The following PRAMEF20 variants were observed in gnomAD, a reference collection of about 807,000 sequenced individuals.
PRAMEF20 encodes PRAME family member 20/21.
Under a neutral mutation model 32.4 loss-of-function variants are expected in PRAMEF20, and 27 were observed. The observed-to-expected ratio is 0.83, with a 90% CI of 0.61 to 1.15. The LOEUF (loss-of-function observed/expected upper bound fraction) is 1.15, where lower values mean the gene tolerates loss of function less well. Ranked by LOEUF, PRAMEF20 falls within the 50% of genes most tolerant of loss-of-function variation. The pLI is 0.00. For missense variants in PRAMEF20, 604 were observed against 584.5 expected, an observed-to-expected ratio of 1.03 and a Z score of -0.34; for synonymous variants, 256 against 235.4, an observed-to-expected ratio of 1.09 and a Z score of -0.80.
At chr1:13,410,879 A>G in the PRAMEF20 span, among the ~76,000 whole-genome samples, 5 of 151,738 alleles carry the variant, frequency 3.3e-5, no homozygotes, top group South Asian at 1.0e-3. Flanking sequence ...TTGGTGGGGG[A>G]TAGAGTCTTG....
upstream of PRAMEF20, among the ~76,000 whole-genome samples, chr1:13,416,125 G>A (rs1349015121): frequency 6.6e-6 from 1 of 152,230 alleles, no homozygotes; most frequent in African/African-American, 2.4e-5. Context: ...GGCTAGTGGT[G>A]GCCCTGCCTC....
At chr1:13,421,259 A>G (rs1641242026) in exon 3 of PRAMEF20, 3 of 1,613,572 alleles carry the variant, frequency 1.9e-6, no homozygotes, top group Admixed American at 1.7e-5. Context: ...TTGCTGTTGA[A>G]TGCCTGCCTA....
exon 3 of PRAMEF20, chr1:13,420,821 A>C: frequency 6.2e-7 from 1 of 1,613,962 alleles, no homozygotes; most frequent in Non-Finnish European, 8.5e-7. Flanking sequence ...GAGTGGCACC[A>C]GACTGGCCAA....
upstream of PRAMEF20, among the ~76,000 whole-genome samples, chr1:13,413,099 T>C (rs1407365865): frequency 6.6e-6 from 1 of 152,220 alleles, no homozygotes; most frequent in Non-Finnish European, 1.5e-5. Context: ...TACTTTCAAG[T>C]TTTTTCTTTC....
chr1:13,420,919 C>T, exon 3 of PRAMEF20: 1 of 1,613,832 alleles, frequency 6.2e-7, no homozygotes, highest in Non-Finnish European at 8.5e-7. Flanking sequence ...GCATCGTAGA[C>T]TCCCAAGTCA....
rs201019204 is a variant in PRAMEF20, at chr1:13,417,192, TG to T, written c.287+555del. Among the ~76,000 whole-genome samples, 1,170 of 152,240 alleles carry T rather than the reference TG, an allele frequency of 7.7e-3. 13 individuals are homozygous for T. Among genetic ancestry groups the T allele is most frequent in the African/African-American group, 0.026 (1,075 of 41,558 alleles). On this transcript the variant is annotated intron_variant, in intron 1 of 2. Coordinates refer to ENST00000602960, the Ensembl canonical transcript of PRAMEF20. ...ACCTGAGTAGGTTGCCGCTGCTGAC[TG>T]GGGTGGCCAGCTTTTATTCCCTTAT...
Position 13,420,844 on chromosome 1 carries a change from GCCGCT to G in PRAMEF20, c.1017_1021del (p.Leu340SerfsTer11), listed in dbSNP as rs1641234889. ...CCAGACTGGCCAATTTCAGCCTTGT[GCCGCT>G]CCAAGTTCTCCTAGAAAAAGTTGCA... On this transcript the variant is annotated frameshift_variant, in exon 3 of 3. Coordinates refer to ENST00000602960, the Ensembl canonical transcript of PRAMEF20. LOFTEE classifies it high-confidence loss of function. The G allele has an allele frequency of 1.9e-6, 3 of 1,613,798 alleles. No homozygotes were observed. The highest frequency in any genetic ancestry group is 2.5e-6 in the Non-Finnish European group (3 of 1,179,872).
Position 13,418,065 on chromosome 1 carries a change from A to C in PRAMEF20, c.288-57A>C, listed in dbSNP as rs1420060557. The C allele has an allele frequency of 3.6e-4, 582 of 1,611,404 alleles. 7 individuals are homozygous for C. The South Asian group carries it at 4.4e-3, about 12-fold the overall frequency. On this transcript the variant is annotated intron_variant, in intron 1 of 2. Coordinates refer to ENST00000602960, the Ensembl canonical transcript of PRAMEF20. The stretch of plus-strand genomic sequence containing the variant: ...CTGGGATTACAAGCGTGAGCCACTG[A>C]GCCCAGCCTCAGAAGTGAGTCCTTA...
At chr1:13,411,938 A>G (rs1641117938), upstream of PRAMEF20, among the ~76,000 whole-genome samples, 1 of 152,040 alleles carries the variant, frequency 6.6e-6, no homozygotes, top group Non-Finnish European at 1.5e-5. Context: ...TTATCCTAAC[A>G]CTAGAGACTT....
chr1:13,420,755 G>C, exon 3 of PRAMEF20: 1 of 1,613,898 alleles, frequency 6.2e-7, no homozygotes, highest in Non-Finnish European at 8.5e-7. Flanking sequence ...TTTGGAATCA[G>C]ACTTGAAGCA....
At chr1:13,418,127 G>T (rs1293702656) in exon 2 of PRAMEF20, 4 of 1,612,080 alleles carry the variant, frequency 2.5e-6, no homozygotes, top group Non-Finnish European at 3.4e-6. Flanking sequence ...CTCAGGAGGT[G>T]GAAACTTCAA....
chr1:13,416,457 C>A, exon 1 of PRAMEF20: 1 of 1,614,060 alleles, frequency 6.2e-7, no homozygotes, highest in Non-Finnish European at 8.5e-7. Flanking sequence ...GCCCACGGAA[C>A]TTTTTCCCCC....
At chr1:13,419,969 G>A (rs928420984) in intron 2 of PRAMEF20, among the ~76,000 whole-genome samples, 112 of 152,272 alleles carry the variant, frequency 7.4e-4, no homozygotes, top group African/African-American at 2.6e-3. Context: ...AAAGAATGGT[G>A]AAAGTGATAG....
intron 2 of PRAMEF20, among the ~76,000 whole-genome samples, chr1:13,419,666 C>T (rs1379679635): frequency 2.0e-5 from 3 of 151,918 alleles, no homozygotes; most frequent in East Asian, 1.9e-4. Flanking sequence ...CCTTGTGATC[C>T]GCCCGCCTCG....
chr1:13,416,696 C>T (rs1353457014), intron 1 of PRAMEF20, 55 bp downstream of exon 2: 4 of 1,613,092 alleles, frequency 2.5e-6, no homozygotes, highest in Admixed American at 1.7e-5. Context: ...ACAGAAGGAA[C>T]AGCTGGGTCA....
chr1:13,420,655 C>A, intron 2 of PRAMEF20, 42 bp from the exon 4 acceptor site: 1 of 1,613,496 alleles, frequency 6.2e-7, no homozygotes, highest in Non-Finnish European at 8.5e-7. Flanking sequence ...TCCACTCACC[C>A]CTACGATTCC....
exon 2 of PRAMEF20, chr1:13,418,668 T>C: frequency 6.2e-7 from 1 of 1,613,900 alleles, no homozygotes; most frequent in Non-Finnish European, 8.5e-7. Flanking sequence ...ACTCTGTTTC[T>C]TTCCTCGAAG....
chr1:13,410,798 C>A, the PRAMEF20 span, among the ~76,000 whole-genome samples: 1 of 151,932 alleles, frequency 6.6e-6, no homozygotes, highest in Non-Finnish European at 1.5e-5. Flanking sequence ...GTGGGAGGAT[C>A]ATTTGAGCCC....
At chr1:13,416,026 T>C (rs1377241450), upstream of PRAMEF20, among the ~76,000 whole-genome samples, 1 of 152,154 alleles carries the variant, frequency 6.6e-6, no homozygotes, top group African/African-American at 2.4e-5. Context: ...CCTTGAGTAA[T>C]TAGAAATTTC....
Sources: gnomAD v4.1 joint callset for allele counts (sites outside exome capture counted in the v4.1 genomes callset) on GRCh38, gnomAD v4.1.1 for gene constraint, MANE v1.5 for transcripts, NCBI Gene and HGNC (gene_info 2026-07-23, HGNC 2026-07-21) for gene names.